The following LINGO1 variants were observed in gnomAD, a reference collection of about 807,000 sequenced individuals.
LINGO1 encodes leucine-rich repeat and immunoglobulin-like domain-containing nogo receptor-interacting protein 1.
Under a neutral mutation model 37.3 loss-of-function variants are expected in LINGO1, and 11 were observed. That is an observed-to-expected ratio of 0.29 (90% CI 0.19 to 0.49). The LOEUF (loss-of-function observed/expected upper bound fraction) is 0.49. Among genes scored for constraint, LINGO1 ranks in the 20% least tolerant of loss-of-function variants. The pLI is 0.99. For missense variants in LINGO1, 585 were observed against 878.2 expected (o/e 0.67, Z 4.22); for synonymous variants, 387 against 403.0 (o/e 0.96, Z 0.48).
intron 1 of LINGO1, among the ~76,000 whole-genome samples, chr15:77,774,187 A>AGT (rs2076613814): frequency 1.3e-5 from 2 of 152,032 alleles, no homozygotes; most frequent in African/African-American, 4.8e-5. Flanking sequence ...GAGGGTGGTG[A>AGT]GTGTGCACGG....
At chr15:77,660,501 C>G (rs922221687) in intron 3 of LINGO1, among the ~76,000 whole-genome samples, 5 of 152,172 alleles carry the variant, frequency 3.3e-5, no homozygotes. Context: ...TCAGCAGATG[C>G]CTGACATGGT....
Position 77,632,228 on chromosome 15 carries a change from G to T in LINGO1, c.6+82C>A. 3 of 1,285,730 alleles carry T rather than the reference G, an allele frequency of 2.3e-6. No homozygotes were observed. The highest frequency in any genetic ancestry group is 3.0e-6 in the Non-Finnish European group (3 of 1,016,034). 79.6% of individuals were successfully genotyped at this position (1,285,730 alleles called of 1,614,324 possible). A position where few individuals can be genotyped will look rare whatever the true frequency, so the allele number is the denominator to read the frequency against. ...AGGTGCCCTGCAACCCCAGGAGGGC[G>T]CAGCCAGGGCCGATGGCGGCCCCCA... On this transcript the variant is annotated intron_variant, in intron 1 of 1. Coordinates refer to ENST00000355300, the MANE Select transcript of LINGO1 (RefSeq NM_032808.7). The surrounding 1 kb of genome is among the most constrained non-coding windows in gnomAD (Gnocchi z 6.0).
chr15:77,699,567 A>G (rs955080701), upstream of LINGO1, among the ~76,000 whole-genome samples: 1 of 1,414 alleles, frequency 7.1e-4, no homozygotes, highest in Admixed American at 7.0e-3. Context: ...TGCACACAGT[A>G]AAGCACATAC....
chr15:77,814,489 T>C (rs1358010434), intron 1 of LINGO1, among the ~76,000 whole-genome samples: 1 of 152,222 alleles, frequency 6.6e-6, no homozygotes, highest in African/African-American at 2.4e-5. Context: ...TACTTCTACC[T>C]GGACATTGAA....
chr15:77,799,399 T>C (rs929516275), intron 1 of LINGO1, among the ~76,000 whole-genome samples: 1 of 152,074 alleles, frequency 6.6e-6, no homozygotes, highest in African/African-American at 2.4e-5. Flanking sequence ...TCCCCAACTT[T>C]TCTCCCAGCT....
At chr15:77,702,302 C>T (rs1052763708) in intron 2 of LINGO1, among the ~76,000 whole-genome samples, 5 of 152,130 alleles carry the variant, frequency 3.3e-5, no homozygotes, top group Admixed American at 6.5e-5. Context: ...CTGGGGGACA[C>T]CTGCATCAGG....
upstream of LINGO1, chr15:77,820,717 T>C (rs1387184612): frequency 2.0e-5 from 3 of 152,276 alleles, no homozygotes; most frequent in East Asian, 1.9e-4. Context: ...AGCTCTGATA[T>C]GGTGTTAGGT....
chr15:77,750,439 C>T (rs562931045), intron 1 of LINGO1, among the ~76,000 whole-genome samples: 7 of 152,368 alleles, frequency 4.6e-5, no homozygotes, highest in South Asian at 2.1e-4. Flanking sequence ...CACACACGCA[C>T]GCGCTCCAGT....
upstream of LINGO1, among the ~76,000 whole-genome samples, chr15:77,790,516 T>TG (rs1165804755): frequency 6.6e-6 from 1 of 150,986 alleles, no homozygotes; most frequent in African/African-American, 2.4e-5. Flanking sequence ...AGGGCCAGGG[T>TG]GGGGGGTGGT....
At chr15:77,681,857 T>G (rs2075419720) in intron 2 of LINGO1, among the ~76,000 whole-genome samples, 1 of 152,000 alleles carries the variant, frequency 6.6e-6, no homozygotes, top group Non-Finnish European at 1.5e-5. Flanking sequence ...ATCATCATGG[T>G]CCCCATAAAT....
intron 2 of LINGO1, among the ~76,000 whole-genome samples, chr15:77,710,240 G>GCC (rs2075902431): frequency 6.6e-6 from 1 of 152,198 alleles, no homozygotes; most frequent in Non-Finnish European, 1.5e-5. Flanking sequence ...CTTCATGGAG[G>GCC]CCCCTCAGCT....
At chr15:77,750,636 T>G (rs987810088) in intron 1 of LINGO1, among the ~76,000 whole-genome samples, 3 of 152,220 alleles carry the variant, frequency 2.0e-5, no homozygotes, top group Non-Finnish European at 4.4e-5. Flanking sequence ...ATGCCAACAA[T>G]ACGGCTTTTA....
At chr15:77,789,291 A>C (rs1338695180), upstream of LINGO1, among the ~76,000 whole-genome samples, 3 of 152,238 alleles carry the variant, frequency 2.0e-5, no homozygotes, top group African/African-American at 7.2e-5. Flanking sequence ...CCCTTAATCC[A>C]ATACGACTAT....
intron 3 of LINGO1, among the ~76,000 whole-genome samples, chr15:77,650,537 C>T (rs1384026251): frequency 6.6e-6 from 1 of 152,166 alleles, no homozygotes; most frequent in Non-Finnish European, 1.5e-5. Context: ...CCCATCAGAA[C>T]CCAGAGGCCA....
At chr15:77,691,087 C>G (rs1306580576) in intron 1 of LINGO1, among the ~76,000 whole-genome samples, 5 of 152,218 alleles carry the variant, frequency 3.3e-5, no homozygotes, top group Non-Finnish European at 7.4e-5. Flanking sequence ...TGTCTCTGCA[C>G]TGTCCAATAT....
rs139888337 is a variant in LINGO1 at position 77,774,377 on chromosome 15, G to A, written c.-257+12492C>T. Among the ~76,000 whole-genome samples the A allele has an allele frequency of 1.2e-3, 183 of 152,126 alleles. 1 individual carries two copies. The highest frequency in any genetic ancestry group is 3.4e-3 in the Middle Eastern group (1 of 294). On this transcript the variant is annotated intron_variant, in intron 1 of 3. Transcript: ENST00000561686. The stretch of plus-strand genomic sequence containing the variant: ...GCCTATCTCCCCTCAAGCACCTTCC[G>A]ATCAGATTCCACCTCAGAATCGAGA...
In LINGO1 at chr15:77,810,655, G is replaced by A. The variant is rs1305495401; in HGVS notation, c.-458+9603C>T. ...TCCCTGTGCCTCAGTTTCCTATCTG[G>A]AACCTAGAGGAGGAATGAGATCATC... On this transcript the variant is annotated intron_variant, in intron 1 of 5. Coordinates refer to the LINGO1 transcript ENST00000562933. 3.3e-5 allele frequency among the ~76,000 whole-genome samples: 5 copies of A among 152,196 alleles called. No homozygotes were observed. In the South Asian group the frequency reaches 8.3e-4, roughly 25 times the overall value.
chr15:77,674,712 G>A (rs1268823231), intron 3 of LINGO1, among the ~76,000 whole-genome samples: 2 of 151,868 alleles, frequency 1.3e-5, no homozygotes, highest in African/African-American at 4.8e-5. Flanking sequence ...ACCTCTCGAA[G>A]AGACCTTCCA....
At position 77,632,858 on chromosome 15, in the gene LINGO1, C is replaced by T. The variant is rs1425309294; in HGVS notation, c.-543G>A. ...GTCGCCCGCCGCCCGCTCCGGCTCCCGCGCCGGCTCCCGCTCGGGCTCCGC... is the reference window on the plus strand; with the variant it reads ...GTCGCCCGCCGCCCGCTCCGGCTCCTGCGCCGGCTCCCGCTCGGGCTCCGC... On this transcript the variant is annotated 5_prime_UTR_variant, in exon 1 of 2. Coordinates refer to ENST00000355300, the MANE Select transcript of LINGO1 (RefSeq NM_032808.7). The surrounding 1 kb of genome is among the most constrained non-coding windows in gnomAD (Gnocchi z 6.0). Among the ~76,000 whole-genome samples, 6 of 149,726 alleles carry T rather than the reference C, an allele frequency of 4.0e-5. No individual in the cohort carries two copies. The highest frequency in any genetic ancestry group is 6.6e-5 in the Admixed American group (1 of 15,066).
Sources: gnomAD v4.1 joint callset for allele counts (sites outside exome capture counted in the v4.1 genomes callset) on GRCh38, gnomAD v4.1.1 for gene constraint, Gnocchi (gnomAD v3.1) non-coding constraint, MANE v1.5 for transcripts, NCBI Gene and HGNC (gene_info 2026-07-23, HGNC 2026-07-21) for gene names.